Variants in SSBP1 observed in about 807,000 individuals in gnomAD.
The protein encoded by SSBP1 is single stranded DNA binding protein 1.
SSBP1 carries 20 observed loss-of-function variants against 27.0 expected under a neutral mutation model. The observed-to-expected ratio is 0.74, with a 90% CI of 0.52 to 1.08. The LOEUF is 1.08. Ranked by LOEUF, SSBP1 falls within the 50% of genes least tolerant of loss-of-function variation. SSBP1 has a pLI of 0.00. For missense variants in SSBP1, 137 were observed against 182.4 expected (o/e 0.75, Z 1.44); for synonymous variants, 59 against 59.3 (o/e 1.00, Z 0.02).
chr7:141,742,212 G>C lies in SSBP1; in HGVS notation c.68G>C (p.Ser23Thr), dbSNP rs756837609. The C allele has an allele frequency of 6.2e-7, 1 of 1,604,816 alleles. No individual in the cohort carries two copies. Among genetic ancestry groups the C allele is most frequent in the African/African-American group, 1.3e-5 (1 of 74,858 alleles). Residue 23 changes from serine to threonine, a missense_variant, in exon 3 of 7, where the codon AGT (serine) becomes ACT (threonine). Physicochemically the swap from Ser to Thr is moderately conservative, Grantham distance 58. Transcript: ENST00000265304. ...FVRHESETTT[S>T]LVLERSLNRV... ...AGACATGAGTCCGAAACAACTACCA[G>C]TTTGGTTCTTGAAAGATGTAAGTAG...
intron 6 of SSBP1, chr7:141,745,906 C>G (rs1289160016): frequency 2.8e-6 from 3 of 1,057,008 alleles, no homozygotes; most frequent in Non-Finnish European, 3.4e-6. Context: ...GGATCTAGCC[C>G]TAACCAGGAA....
intron 6 of SSBP1, chr7:141,746,224 T>A (rs1244829927): frequency 6.5e-6 from 1 of 153,586 alleles, no homozygotes; most frequent in Non-Finnish European, 1.4e-5. Context: ...TTTCACCATG[T>A]TGGTCAGGCT....
chr7:141,739,173 C>G lies in SSBP1; in HGVS notation c.7C>G (p.Arg3Gly). 1.3e-6 allele frequency: 2 copies of G among 1,599,910 alleles called. No individual in the cohort carries two copies. Among genetic ancestry groups the G allele is most frequent in the Non-Finnish European group, 1.7e-6 (2 of 1,174,010 alleles). Reference protein sequence around the residue: MFRRPVLQVLRQF... With the variant: MFGRPVLQVLRQF... Reference sequence around the variant, plus strand: ...AGAAAAGAAAATAGAAGCCATGTTTCGAAGACCTGTATTACAGGTAGTCAC... The same window carrying G: ...AGAAAAGAAAATAGAAGCCATGTTTGGAAGACCTGTATTACAGGTAGTCAC... The change falls in exon 2 of 7, where the codon CGA becomes GGA. Residue 3 changes from arginine to glycine, a missense_variant. Physicochemically the swap from Arg to Gly is moderately radical, Grantham distance 125. Transcript: ENST00000265304.
In SSBP1 at chr7:141,750,174, A is replaced by C. The variant is rs1799911729; in HGVS notation, c.404-137A>C. ...ATATATACCTCTCGTGAGCATAGCA[A>C]GTGATTTAATATTTTGAAAAGATGG... On this transcript the variant is annotated intron_variant, in intron 6 of 6. Coordinates refer to ENST00000265304, the MANE Select transcript of SSBP1 (RefSeq NM_003143.3). 2.5e-5 allele frequency: 17 copies of C among 674,026 alleles called. No individual in the cohort carries two copies. In the East Asian group the frequency reaches 4.9e-4, roughly 20 times the overall value. 41.8% of individuals were successfully genotyped at this position (674,026 alleles called of 1,614,324 possible). A position where few individuals can be genotyped will look rare whatever the true frequency, so the allele number is the denominator to read the frequency against.
chr7:141,742,081 A>G, intron 2 of SSBP1, 88 bp from the exon 3 acceptor site: 1 of 975,344 alleles, frequency 1.0e-6, no homozygotes, highest in Non-Finnish European at 1.6e-6. Context: ...ACTACTGACT[A>G]TATGGTGAAT....
At position 141,743,699 on chromosome 7, in the gene SSBP1, T is replaced by C. The variant is rs78598246; in HGVS notation, c.224T>C (p.Leu75Pro). Reference protein sequence around the residue: ...WRSGDSEVYQLGDVSQKTTWH... With the variant: ...WRSGDSEVYQPGDVSQKTTWH... ...TCAGGGGATAGTGAAGTTTACCAAC[T>C]GGGTGAGTACAAAAGACTGGGGTTT... is the stretch of plus-strand genomic sequence containing the variant. The change falls in exon 4 of 7, where the codon CTG (leucine) becomes CCG (proline). Residue 75 changes from leucine (L) to proline (P), a missense_variant and splice_region_variant. Transcript: ENST00000265304. 1,317 of 1,614,110 alleles carry C rather than the reference T, an allele frequency of 8.2e-4. 15 individuals are homozygous for C. The East Asian group carries it at 0.028, about 35-fold the overall frequency.
At chr7:141,749,364 TCTTTTGTTTATTTTTAG>T (rs2117198072) in intron 6 of SSBP1, among the ~76,000 whole-genome samples, 1 of 152,372 alleles carries the variant, frequency 6.6e-6, no homozygotes, top group African/African-American at 2.4e-5. Context: ...TTGCCTCTGT[TCTTTTGTTTATTTTTAG>T]CTAACTCCCT....
rs1238559718 is a variant in SSBP1, at chr7:141,749,384, A to G, written c.404-927A>G. Among the ~76,000 whole-genome samples, 5 of 152,328 alleles carry G rather than the reference A, an allele frequency of 3.3e-5. No individual in the cohort carries two copies. The South Asian group carries it at 6.2e-4, about 19-fold the overall frequency. Reference sequence around the variant, plus strand: ...TCTGTTCTTTTGTTTATTTTTAGCTAACTCCCTCTGGAACAGCATTTTAAG... The same window carrying G: ...TCTGTTCTTTTGTTTATTTTTAGCTGACTCCCTCTGGAACAGCATTTTAAG... On this transcript the variant is annotated intron_variant, in intron 6 of 6. Transcript: ENST00000265304.
intron 6 of SSBP1, among the ~76,000 whole-genome samples, chr7:141,747,667 C>A (rs372386538): frequency 6.6e-6 from 1 of 151,298 alleles, no homozygotes; most frequent in Non-Finnish European, 1.5e-5. Flanking sequence ...GGATTACAGG[C>A]GTGAGCCACC....
At chr7:141,744,814 T>G (rs1490056337) in intron 5 of SSBP1, among the ~76,000 whole-genome samples, 3 of 152,190 alleles carry the variant, frequency 2.0e-5, no homozygotes, top group Non-Finnish European at 4.4e-5. Context: ...GGTGTGTGTG[T>G]GGGGTGGGGA....
At chr7:141,745,608 GT>G in intron 6 of SSBP1, 24 bp downstream of exon 6, 1 of 1,611,932 alleles carries the variant, frequency 6.2e-7, no homozygotes, top group Non-Finnish European at 8.5e-7. Context: ...GAAAATAGCT[GT>G]TTTTTTCTTT....
At chr7:141,749,807 T>A (rs1312346084) in intron 6 of SSBP1, among the ~76,000 whole-genome samples, 3 of 152,196 alleles carry the variant, frequency 2.0e-5, no homozygotes, top group Non-Finnish European at 2.9e-5. Flanking sequence ...TATTCTGTAT[T>A]GTAATTTAAA....
chr7:141,745,460 A>G (rs752077673), intron 5 of SSBP1, 36 bp from the exon 6 acceptor site: 42 of 1,542,308 alleles, frequency 2.7e-5, no homozygotes, highest in Admixed American at 3.7e-5. Context: ...GCATATTAAG[A>G]TCTCAACTAA....
intron 5 of SSBP1, 129 bp downstream of exon 5, chr7:141,744,118 G>A: frequency 1.3e-6 from 1 of 763,840 alleles, no homozygotes; most frequent in Non-Finnish European, 2.0e-6. Context: ...AATTTAAGAG[G>A]TATTTACTAA....
At position 141,743,684 on chromosome 7, in the gene SSBP1, G is replaced by C; in HGVS notation, c.209G>C (p.Ser70Thr). The C allele has an allele frequency of 6.2e-7, 1 of 1,614,198 alleles. No individual in the cohort carries two copies. The highest frequency in any genetic ancestry group is 8.5e-7 in the Non-Finnish European group (1 of 1,180,026). ...AATGAGATGTGGCGATCAGGGGATAGTGAAGTTTACCAACTGGGTGAGTAC... is the reference window on the plus strand; with the variant it reads ...AATGAGATGTGGCGATCAGGGGATACTGAAGTTTACCAACTGGGTGAGTAC... ...ATNEMWRSGD[S>T]EVYQLGDVSQ... Residue 70 changes from serine (S) to threonine (T), a missense_variant, in exon 4 of 7, where the codon AGT (serine) becomes ACT (threonine). By Grantham distance (58) the Ser-to-Thr change is moderately conservative. Coordinates refer to ENST00000265304, the MANE Select transcript of SSBP1 (RefSeq NM_003143.3).
chr7:141,744,189 C>G (rs1434885922), intron 5 of SSBP1, among the ~76,000 whole-genome samples, 200 bp downstream of exon 5: 1 of 152,194 alleles, frequency 6.6e-6, no homozygotes, highest in African/African-American at 2.4e-5. Context: ...ATATATAAAA[C>G]ATAGTTTTAG....
At chr7:141,743,857 T>C (rs913871378) in intron 4 of SSBP1, 45 bp from the exon 5 acceptor site, 1 of 1,582,842 alleles carries the variant, frequency 6.3e-7, no homozygotes, top group African/African-American at 1.4e-5. Flanking sequence ...CCTGGGCATG[T>C]TGTCTGTTGG....
intron 6 of SSBP1, among the ~76,000 whole-genome samples, chr7:141,749,917 C>T (rs1799904770): frequency 6.6e-6 from 1 of 152,216 alleles, no homozygotes; most frequent in African/African-American, 2.4e-5. Context: ...TTCCTCTAGA[C>T]CCCCAGAGTG....
chr7:141,741,989 C>T (rs1164648946), intron 2 of SSBP1, among the ~76,000 whole-genome samples, 180 bp from the exon 3 acceptor site: 4 of 152,176 alleles, frequency 2.6e-5, no homozygotes, highest in Non-Finnish European at 5.9e-5. Context: ...TTAGGCTGCT[C>T]TTGAAGTGTT....
Sources: gnomAD v4.1 joint callset for allele counts (sites outside exome capture counted in the v4.1 genomes callset) on GRCh38, gnomAD v4.1.1 for gene constraint, MANE v1.5 for transcripts, NCBI Gene and HGNC (gene_info 2026-07-23, HGNC 2026-07-21) for gene names.